AKAP13: variants seen among roughly 807,000 people sequenced by gnomAD.
AKAP13 encodes the protein A-kinase anchor protein 13.
AKAP13 carries 80 observed loss-of-function variants against 264.5 expected under a neutral mutation model. The ratio of observed to expected loss-of-function variants is 0.30; its 90% CI spans 0.25 to 0.36. The LOEUF (loss-of-function observed/expected upper bound fraction) is 0.36. Ranked by LOEUF, AKAP13 falls within the 10% of genes least tolerant of loss-of-function variation. The pLI is 1.00. For missense variants in AKAP13, 3,712 were observed against 3,435.2 expected, an observed-to-expected ratio of 1.08 and a Z score of -2.01; for synonymous variants, 1,380 against 1,250.2, an observed-to-expected ratio of 1.10 and a Z score of -2.19.
chr15:85,444,258 A>G (rs1423061953), intron 1 of AKAP13, among the ~76,000 whole-genome samples: 2 of 152,120 alleles, frequency 1.3e-5, no homozygotes, highest in African/African-American at 4.8e-5. Context: ...AACATTTAGA[A>G]CTCAGGCTAG....
intron 3 of AKAP13, among the ~76,000 whole-genome samples, chr15:85,531,690 G>GCA (rs933495039): frequency 3.0e-4 from 45 of 152,282 alleles, no homozygotes; most frequent in Admixed American, 2.7e-3. Context: ...GCTCGCACTT[G>GCA]CACACACACA....
At chr15:85,711,984 C>T (rs796405928) in intron 19 of AKAP13, among the ~76,000 whole-genome samples, 19 of 152,140 alleles carry the variant, frequency 1.2e-4, no homozygotes, top group African/African-American at 4.1e-4. Context: ...AGGTGTGCGC[C>T]GCTATGCCTG....
At chr15:85,457,273 G>A (rs183943515) in intron 1 of AKAP13, among the ~76,000 whole-genome samples, 3 of 152,318 alleles carry the variant, frequency 2.0e-5, no homozygotes, top group Admixed American at 2.0e-4. Flanking sequence ...AGGGCCTACC[G>A]TAATATATCA....
intron 33 of AKAP13, among the ~76,000 whole-genome samples, chr15:85,739,465 A>AT (rs373491150): frequency 1.3e-5 from 2 of 151,640 alleles, no homozygotes; most frequent in Admixed American, 1.3e-4. Flanking sequence ...CTACTAGGGT[A>AT]TTTTTTTTGT....
At chr15:85,681,757 A>C (rs775909872) in intron 14 of AKAP13, among the ~76,000 whole-genome samples, 3 of 131,758 alleles carry the variant, frequency 2.3e-5, no homozygotes, top group African/African-American at 5.5e-5. Context: ...AAGCAGTATT[A>C]ACGGATAAAA....
intron 5 of AKAP13, among the ~76,000 whole-genome samples, chr15:85,550,476 C>G (rs2077920524): frequency 6.6e-6 from 1 of 152,154 alleles, no homozygotes; most frequent in Non-Finnish European, 1.5e-5. Context: ...GACACTTGCG[C>G]TTGAAACCTA....
At chr15:85,566,190 A>G (rs2078599792) in intron 5 of AKAP13, among the ~76,000 whole-genome samples, 1 of 152,244 alleles carries the variant, frequency 6.6e-6, no homozygotes, top group African/African-American at 2.4e-5. Flanking sequence ...CAAATCAGGT[A>G]CATTTTGATC....
chr15:85,393,578 A>G (rs984256360), intron 1 of AKAP13, among the ~76,000 whole-genome samples: 2 of 152,244 alleles, frequency 1.3e-5, no homozygotes, highest in Non-Finnish European at 1.5e-5. Context: ...TAAAGTTACT[A>G]TAAAGGGAAG....
chr15:85,700,561 T>C (rs1282356233), intron 17 of AKAP13, among the ~76,000 whole-genome samples: 1 of 152,210 alleles, frequency 6.6e-6, no homozygotes, highest in East Asian at 1.9e-4. Context: ...GGGTCTGAGA[T>C]TCTCAGCCAC....
chr15:85,428,866 C>G (rs1323534078), intron 1 of AKAP13, among the ~76,000 whole-genome samples: 2 of 152,190 alleles, frequency 1.3e-5, no homozygotes, highest in Non-Finnish European at 2.9e-5. Context: ...CATTATCTTA[C>G]CTTCTGAGTT....
intron 14 of AKAP13, among the ~76,000 whole-genome samples, chr15:85,681,845 A>G (rs903461762): frequency 3.3e-5 from 5 of 152,102 alleles, no homozygotes; most frequent in African/African-American, 1.2e-4. Context: ...CTGAAGATTG[A>G]TAAGAACTGG....
intron 8 of AKAP13, among the ~76,000 whole-genome samples, chr15:85,604,257 T>G (rs1259016965): frequency 6.6e-6 from 1 of 152,192 alleles, no homozygotes; most frequent in Non-Finnish European, 1.5e-5. Flanking sequence ...TTAAGTTTTG[T>G]AAGTTGAGGT....
chr15:85,398,938 TC>T (rs2071252855), intron 1 of AKAP13, among the ~76,000 whole-genome samples: 1 of 152,220 alleles, frequency 6.6e-6, no homozygotes, highest in African/African-American at 2.4e-5. Flanking sequence ...GTATCTTTTT[TC>T]CCCATCACCC....
rs916383128 is a variant in AKAP13 at position 85,580,373 on chromosome 15, A to G, written c.2305A>G (p.Met769Val). The stretch of plus-strand genomic sequence containing the variant: ...ACATCCACATCCAGTTGTCCCTAAA[A>G]TGGAGAAAGAACTGGTGCCAGACCA... ...VSHPHPVVPKMEKELVPDQAV... is the reference protein window; with the variant it reads ...VSHPHPVVPKVEKELVPDQAV... Residue 769 changes from methionine to valine, a missense_variant, in exon 7 of 37, where the codon ATG (methionine) becomes GTG (valine). Around this residue, in one of 3 missense-constraint regions of AKAP13, gnomAD observed 2,759 missense variants for 2,411.7 expected, o/e 1.14. Coordinates refer to ENST00000394518, the MANE Select transcript of AKAP13 (RefSeq NM_007200.5). 2.7e-5 allele frequency: 44 copies of G among 1,614,122 alleles called. No homozygotes were observed. Among genetic ancestry groups the G allele is most frequent in the Non-Finnish European group, 3.7e-5 (44 of 1,180,048 alleles).
chr15:85,628,167 T>A (rs1475044768), intron 8 of AKAP13, among the ~76,000 whole-genome samples: 1 of 152,240 alleles, frequency 6.6e-6, no homozygotes, highest in Non-Finnish European at 1.5e-5. Flanking sequence ...ATATCTATCA[T>A]CTTGGGATGT....
At chr15:85,630,164 C>CAT (rs552249417) in intron 8 of AKAP13, among the ~76,000 whole-genome samples, 9,402 of 107,660 alleles carry the variant, frequency 0.087, 416 homozygotes, top group South Asian at 0.19. Flanking sequence ...TTTTTTAACA[C>CAT]ATACACACAC....
At chr15:85,691,057 C>T (rs2085255963) in intron 16 of AKAP13, among the ~76,000 whole-genome samples, 1 of 152,164 alleles carries the variant, frequency 6.6e-6, no homozygotes, top group Admixed American at 6.5e-5. Flanking sequence ...AAGCATAATG[C>T]TCACCCTGCC....
At chr15:85,445,979 C>G (rs531180748) in intron 1 of AKAP13, among the ~76,000 whole-genome samples, 106 of 152,168 alleles carry the variant, frequency 7.0e-4, no homozygotes, top group Non-Finnish European at 1.2e-3. Context: ...CATTCTAAAT[C>G]CCCCCCTTTG....
intron 23 of AKAP13, 53 bp downstream of exon 23, chr15:85,719,379 C>T: frequency 6.3e-7 from 1 of 1,596,722 alleles, no homozygotes; most frequent in Non-Finnish European, 8.5e-7. Context: ...AAAGGGAAGT[C>T]ATGGGGTTCC....
Sources: gnomAD v4.1 joint callset for allele counts (sites outside exome capture counted in the v4.1 genomes callset) on GRCh38, gnomAD v4.1.1 for gene constraint, gnomAD v4.1.1 regional missense constraint, MANE v1.5 for transcripts, NCBI Gene and HGNC (gene_info 2026-07-23, HGNC 2026-07-21) for gene names.